The following NELL1 variants were observed in gnomAD, a reference collection of about 807,000 sequenced individuals.
The protein encoded by NELL1 is protein kinase C-binding protein NELL1.
In NELL1, 76 loss-of-function variants were observed where a neutral mutation model predicts 107.4. That is an observed-to-expected ratio of 0.71 (90% CI 0.59 to 0.86). The LOEUF (loss-of-function observed/expected upper bound fraction) is 0.86, where lower values mean the gene tolerates loss of function less well. Ranked by LOEUF, NELL1 falls within the 40% of genes least tolerant of loss-of-function variation. NELL1 has a pLI of 0.00. For synonymous variants in NELL1, 353 were observed against 341.2 expected, an observed-to-expected ratio of 1.03 and a Z score of -0.38; for missense variants, 1,024 against 1,005.5, an observed-to-expected ratio of 1.02 and a Z score of -0.25.
chr11:21,420,162 T>C (rs1754608755), intron 15 of NELL1, among the ~76,000 whole-genome samples: 1 of 152,142 alleles, frequency 6.6e-6, no homozygotes, highest in South Asian at 2.1e-4. Context: ...GAAAATGTAG[T>C]TATTAAGCTT....
chr11:21,196,284 C>T (rs1160650296), intron 13 of NELL1, among the ~76,000 whole-genome samples: 5 of 152,134 alleles, frequency 3.3e-5, no homozygotes, highest in African/African-American at 1.2e-4. Flanking sequence ...GGAAAGTCCA[C>T]CAGTGGCTTC....
At chr11:21,463,450 A>G (rs774040421) in intron 15 of NELL1, among the ~76,000 whole-genome samples, 1 of 152,152 alleles carries the variant, frequency 6.6e-6, no homozygotes, top group Non-Finnish European at 1.5e-5. Context: ...TCTCAGCTCT[A>G]GACTCCTTAT....
chr11:21,202,730 T>C (rs1383707033), intron 13 of NELL1, among the ~76,000 whole-genome samples: 2 of 152,246 alleles, frequency 1.3e-5, no homozygotes, highest in African/African-American at 2.4e-5. Context: ...GGTGTCATTT[T>C]AGATCTTTCC....
At chr11:21,057,362 A>T (rs765087636) in intron 12 of NELL1, among the ~76,000 whole-genome samples, 1 of 151,712 alleles carries the variant, frequency 6.6e-6, no homozygotes, top group Non-Finnish European at 1.5e-5. Context: ...TGGGAAGTGG[A>T]TGGGAACTAC....
intron 13 of NELL1, among the ~76,000 whole-genome samples, chr11:21,114,622 A>G (rs1855188750): frequency 6.6e-6 from 1 of 151,884 alleles, no homozygotes; most frequent in Non-Finnish European, 1.5e-5. Flanking sequence ...ACATGTTAGT[A>G]TGTCCAAATT....
intron 3 of NELL1, among the ~76,000 whole-genome samples, chr11:20,824,856 GA>G (rs1480034769): frequency 6.6e-6 from 1 of 151,284 alleles, no homozygotes; most frequent in East Asian, 1.9e-4. Flanking sequence ...CAATGCGATA[GA>G]AAAAATCCAT....
chr11:20,980,956 A>G (rs1851737621), intron 12 of NELL1, among the ~76,000 whole-genome samples: 1 of 152,338 alleles, frequency 6.6e-6, no homozygotes, highest in South Asian at 2.1e-4. Flanking sequence ...AATTCCTTCC[A>G]GCCAGCAATC....
intron 2 of NELL1, among the ~76,000 whole-genome samples, chr11:20,694,177 T>C (rs977124617): frequency 6.6e-6 from 1 of 152,074 alleles, no homozygotes; most frequent in African/African-American, 2.4e-5. Flanking sequence ...ATTCTAGTTA[T>C]ACATTCGTCT....
intron 14 of NELL1, among the ~76,000 whole-genome samples, chr11:21,290,752 G>A (rs1849238800): frequency 6.6e-6 from 1 of 152,214 alleles, no homozygotes; most frequent in Non-Finnish European, 1.5e-5. Flanking sequence ...CTGCAGAGGG[G>A]CCTGACTGTT....
chr11:20,675,732 G>A (rs1294120460), intron 1 of NELL1, among the ~76,000 whole-genome samples: 2 of 151,898 alleles, frequency 1.3e-5, no homozygotes, highest in Non-Finnish European at 2.9e-5. Flanking sequence ...TATATGATCT[G>A]GCCCTTCTCT....
chr11:21,532,772 A>G (rs187251176), intron 15 of NELL1, among the ~76,000 whole-genome samples: 1 of 152,294 alleles, frequency 6.6e-6, no homozygotes, highest in East Asian at 1.9e-4. Flanking sequence ...CCGTCTGTTT[A>G]TATGTGTGTC....
At chr11:21,546,585 C>T (rs760477420) in intron 16 of NELL1, among the ~76,000 whole-genome samples, 27 of 151,910 alleles carry the variant, frequency 1.8e-4, no homozygotes, top group Non-Finnish European at 3.1e-4. Context: ...TTATAAAGGG[C>T]AGTTCCCCTG....
At chr11:21,169,751 C>G (rs1856561822) in intron 13 of NELL1, 1 of 1,077,366 alleles carries the variant, frequency 9.3e-7, no homozygotes, top group African/African-American at 1.6e-5. Flanking sequence ...AGTCTGACTC[C>G]TAGGCATTGA....
chr11:21,169,710 C>A lies in NELL1; in HGVS notation c.1426+55996C>A. On this transcript the variant is annotated intron_variant, in intron 13 of 19. Transcript: ENST00000357134. ...GGACTGTAAATCATAATTCCTTGGT[C>A]ATCTTTTGGCACAGAAGTAGTCATG... is the stretch of plus-strand genomic sequence containing the variant. 5 of 690,850 alleles carry A rather than the reference C, an allele frequency of 7.2e-6. No individual in the cohort carries two copies. In the South Asian group the frequency reaches 8.1e-5, roughly 11 times the overall value. The allele number at this position is 690,850 out of a possible 1,614,324, so 42.8% of individuals were successfully genotyped here. A position where few individuals can be genotyped will look rare whatever the true frequency, so the allele number is the denominator to read the frequency against.
intron 12 of NELL1, among the ~76,000 whole-genome samples, chr11:21,077,520 A>G (rs1965424): frequency 0.16 from 23,832 of 152,106 alleles, 2,164 homozygotes; most frequent in Middle Eastern, 0.29. Flanking sequence ...AGGCAGGTGG[A>G]TCACTTGAGG....
chr11:20,970,487 G>A (rs1204859610), intron 12 of NELL1, among the ~76,000 whole-genome samples: 6 of 152,170 alleles, frequency 3.9e-5, no homozygotes, highest in African/African-American at 1.4e-4. Context: ...AATAGGATTT[G>A]TTCTATCCTA....
intron 14 of NELL1, among the ~76,000 whole-genome samples, chr11:21,269,482 A>T (rs916476752): frequency 6.6e-6 from 1 of 152,084 alleles, no homozygotes; most frequent in African/African-American, 2.4e-5. Context: ...TAGAAGACCA[A>T]AGAGAATTAC....
At chr11:20,730,759 A>T (rs1855621353) in intron 2 of NELL1, among the ~76,000 whole-genome samples, 1 of 152,172 alleles carries the variant, frequency 6.6e-6, no homozygotes, top group Admixed American at 6.5e-5. Flanking sequence ...TGAGGATGGC[A>T]TGCTTCCTAG....
intron 7 of NELL1, among the ~76,000 whole-genome samples, chr11:20,924,536 G>A (rs1291448649): frequency 6.6e-6 from 1 of 152,204 alleles, no homozygotes; most frequent in Non-Finnish European, 1.5e-5. Flanking sequence ...GACAGTGCTA[G>A]AAATTGCCAC....
Sources: allele counts gnomAD v4.1 joint callset (sites outside exome capture counted in the v4.1 genomes callset), GRCh38; gene constraint gnomAD v4.1.1; transcripts MANE v1.5; gene names NCBI Gene and HGNC (gene_info 2026-07-23, HGNC 2026-07-21).